PCDHGB1: variants seen among roughly 807,000 people sequenced by gnomAD.
The protein encoded by PCDHGB1 is protocadherin gamma-B1.
In PCDHGB1, 34 loss-of-function variants were observed where a neutral mutation model predicts 56.6. That is an observed-to-expected ratio of 0.60 (90% CI 0.46 to 0.80). The LOEUF (loss-of-function observed/expected upper bound fraction) is 0.80, where lower values mean the gene tolerates loss of function less well. Among genes scored for constraint, PCDHGB1 ranks in the 30% least tolerant of loss-of-function variants. PCDHGB1 has a pLI of 0.00. For synonymous variants in PCDHGB1, 561 were observed against 505.9 expected, an observed-to-expected ratio of 1.11 and a Z score of -1.46; for missense variants, 1,278 against 1,204.6, an observed-to-expected ratio of 1.06 and a Z score of -0.90.
intron 1 of PCDHGB1, among the ~76,000 whole-genome samples, chr5:141,386,558 G>A (rs931142144): frequency 6.6e-5 from 10 of 151,826 alleles, no homozygotes; most frequent in African/African-American, 2.4e-4. Flanking sequence ...GTAGTATTTT[G>A]CACATGATAG....
chr5:141,500,232 G>A (rs1024752888), intron 2 of PCDHGB1, among the ~76,000 whole-genome samples: 1 of 137,690 alleles, frequency 7.3e-6, no homozygotes, highest in South Asian at 2.3e-4. Flanking sequence ...TTATTGATAC[G>A]TAGCCTTGCT....
chr5:141,452,968 A>G (rs1028716079), intron 1 of PCDHGB1, among the ~76,000 whole-genome samples: 3 of 152,210 alleles, frequency 2.0e-5, no homozygotes, highest in Non-Finnish European at 4.4e-5. Flanking sequence ...AACTGAGGGT[A>G]TATTGTCAAA....
In PCDHGB1 at chr5:141,357,289, G is replaced by C. The variant is rs369077752; in HGVS notation, c.2409+4620G>C. On this transcript the variant is annotated intron_variant, in intron 1 of 3. Transcript: ENST00000523390. Reference sequence around the variant, plus strand: ...CCTCACACTCTATCTCGTGGTGGCAGTGGCCGCTGTCTCCTGCGTCTTCCT... The same window carrying C: ...CCTCACACTCTATCTCGTGGTGGCACTGGCCGCTGTCTCCTGCGTCTTCCT... The C allele has an allele frequency of 1.9e-5, 31 of 1,613,842 alleles. No individual in the cohort carries two copies. Among genetic ancestry groups the C allele is most frequent in the African/African-American group, 2.7e-5 (2 of 74,940 alleles).
At chr5:141,499,461 A>G (rs1448103747) in intron 2 of PCDHGB1, among the ~76,000 whole-genome samples, 2 of 152,226 alleles carry the variant, frequency 1.3e-5, no homozygotes. Flanking sequence ...TCATTTTACA[A>G]TCTAGGGAGA....
intron 1 of PCDHGB1, chr5:141,392,681 G>T: frequency 1.9e-6 from 2 of 1,026,496 alleles, no homozygotes; most frequent in Non-Finnish European, 2.7e-6. Flanking sequence ...CTGGACTGCA[G>T]CGAAACCCGA....
At position 141,393,141 on chromosome 5, in the gene PCDHGB1, G is replaced by A. The variant is rs371909748; in HGVS notation, c.2409+40472G>A. 20 of 1,613,182 alleles carry A rather than the reference G, an allele frequency of 1.2e-5. No homozygotes were observed. The African/African-American group carries it at 2.4e-4, about 19-fold the overall frequency. On this transcript the variant is annotated intron_variant, in intron 1 of 3. Coordinates refer to ENST00000523390, the MANE Select transcript of PCDHGB1 (RefSeq NM_018922.3). Reference sequence around the variant, plus strand: ...GTGTCTGATAAATATTAACACCCTGGTTGAGGATAAAGGAAAACTCTTTGG... The same window carrying A: ...GTGTCTGATAAATATTAACACCCTGATTGAGGATAAAGGAAAACTCTTTGG...
At chr5:141,372,314 G>T (rs369724462) in intron 1 of PCDHGB1, 1 of 1,613,578 alleles carries the variant, frequency 6.2e-7, no homozygotes, top group East Asian at 2.2e-5. Context: ...CCGCCCGCCA[G>T]CGCCTGCTGG....
chr5:141,460,511 AT>A (rs937107682), intron 1 of PCDHGB1, among the ~76,000 whole-genome samples: 2 of 152,168 alleles, frequency 1.3e-5, no homozygotes, highest in African/African-American at 4.8e-5. Flanking sequence ...TGAGAAGGCT[AT>A]CTTTTCCCCA....
chr5:141,431,561 G>C lies in PCDHGB1; in HGVS notation c.2410-63246G>C. On this transcript the variant is annotated intron_variant, in intron 1 of 3. Transcript: ENST00000523390. The surrounding 1 kb of genome is among the most constrained non-coding windows in gnomAD (Gnocchi z 4.8). ...GCAGCTGCTTGTAGTCAACGCTACC[G>C]ACCCTGACGAAGGAGTCAATGCGGA... 6.2e-7 allele frequency: 1 copy of C among 1,614,146 alleles called. No homozygotes were observed. The highest frequency in any genetic ancestry group is 1.1e-5 in the South Asian group (1 of 91,080).
chr5:141,487,516 G>A lies in PCDHGB1; in HGVS notation c.2410-7291G>A, dbSNP rs2099648095. On this transcript the variant is annotated intron_variant, in intron 1 of 3. Coordinates refer to ENST00000523390, the MANE Select transcript of PCDHGB1 (RefSeq NM_018922.3). The surrounding 1 kb of genome is among the most constrained non-coding windows in gnomAD (Gnocchi z 5.0). ...CACCCTTGGCTTCTGCACCCACTCG[G>A]AGTGATAGCTTCATGATGGTGAAGT... 6.2e-7 allele frequency: 1 copy of A among 1,614,078 alleles called. No individual in the cohort carries two copies. The highest frequency in any genetic ancestry group is 1.7e-5 in the Admixed American group (1 of 60,010).
At chr5:141,355,857 C>T in intron 1 of PCDHGB1, 2 of 1,612,456 alleles carry the variant, frequency 1.2e-6, no homozygotes, top group Non-Finnish European at 1.7e-6. Context: ...ATGGAGGTGA[C>T]CCGGTTCGCT....
At position 141,432,612 on chromosome 5, in the gene PCDHGB1, C is replaced by A. The variant is rs752901891; in HGVS notation, c.2410-62195C>A. On this transcript the variant is annotated intron_variant, in intron 1 of 3. Transcript: ENST00000523390. This position sits in a 1 kb window ranked among gnomAD's most constrained non-coding sequence, Gnocchi z 6.0. ...AAGGCCAGCGAGCCGGGACTCTTCT[C>A]GGTGGGTCTGCACACGGGCGAGGTG... 1 of 1,613,912 alleles carries A rather than the reference C, an allele frequency of 6.2e-7. No individual in the cohort carries two copies. The highest frequency in any genetic ancestry group is 1.1e-5 in the South Asian group (1 of 91,062).
chr5:141,388,408 G>A (rs2091351933), intron 1 of PCDHGB1: 1 of 1,613,848 alleles, frequency 6.2e-7, no homozygotes, highest in African/African-American at 1.3e-5. Context: ...CTCAGTCCCA[G>A]TGATCATTTC....
chr5:141,489,174 C>A lies in PCDHGB1; in HGVS notation c.2410-5633C>A. On this transcript the variant is annotated intron_variant, in intron 1 of 3. Coordinates refer to ENST00000523390, the MANE Select transcript of PCDHGB1 (RefSeq NM_018922.3). The surrounding 1 kb of genome is among the most constrained non-coding windows in gnomAD (Gnocchi z 4.5). ...ATAAGAGACTTCAGCTGCTGCATTC[C>A]AAGCCCTGGGTCTACCTTGGAGACA... The A allele has an allele frequency of 8.2e-7, 1 of 1,224,772 alleles. No individual in the cohort carries two copies. 75.9% of individuals were successfully genotyped at this position (1,224,772 alleles called of 1,614,324 possible).
At chr5:141,437,445 T>C (rs187869679) in intron 1 of PCDHGB1, among the ~76,000 whole-genome samples, 1 of 152,348 alleles carries the variant, frequency 6.6e-6, no homozygotes, top group East Asian at 1.9e-4. Flanking sequence ...CATAGGAATG[T>C]TGAGGAGACT....
At chr5:141,484,454 G>T (rs932663778) in intron 1 of PCDHGB1, among the ~76,000 whole-genome samples, 2 of 152,212 alleles carry the variant, frequency 1.3e-5, no homozygotes, top group Non-Finnish European at 2.9e-5. Context: ...AATTGGCTAC[G>T]TTAATGTGTA....
intron 1 of PCDHGB1, chr5:141,374,380 C>T (rs1263045322): frequency 1.2e-6 from 2 of 1,613,894 alleles, no homozygotes; most frequent in Non-Finnish European, 1.7e-6. Context: ...GTGCTCAGAG[C>T]CCGCGGTGTC....
chr5:141,454,407 T>TTTTA (rs1029547484), intron 1 of PCDHGB1, among the ~76,000 whole-genome samples: 21 of 152,236 alleles, frequency 1.4e-4, no homozygotes, highest in Admixed American at 1.2e-3. Flanking sequence ...GCTTATTCCT[T>TTTTA]TTTATTTATT....
chr5:141,405,974 A>T (rs1194827537), intron 1 of PCDHGB1, among the ~76,000 whole-genome samples: 1 of 152,002 alleles, frequency 6.6e-6, no homozygotes, highest in Non-Finnish European at 1.5e-5. Context: ...AACGTAAACC[A>T]TACTTCATGG....
Sources: gnomAD v4.1 joint callset for allele counts (sites outside exome capture counted in the v4.1 genomes callset) on GRCh38, gnomAD v4.1.1 for gene constraint, Gnocchi (gnomAD v3.1) non-coding constraint, MANE v1.5 for transcripts, NCBI Gene and HGNC (gene_info 2026-07-23, HGNC 2026-07-21) for gene names.